ODAD2: variants seen among roughly 807,000 people sequenced by gnomAD.
The protein encoded by ODAD2 is outer dynein arm docking complex subunit 2, also known as outer dynein arm-docking complex subunit 2.
A neutral mutation model predicts 106.8 loss-of-function variants in ODAD2; 89 were observed. The ratio of observed to expected loss-of-function variants is 0.83; its 90% CI spans 0.70 to 0.99. The LOEUF is 0.99. Ranked by LOEUF, ODAD2 falls within the 50% of genes least tolerant of loss-of-function variation. The pLI, the probability that ODAD2 is intolerant of heterozygous loss-of-function variation, is 0.00. For synonymous variants in ODAD2, 404 were observed against 436.2 expected (o/e 0.93, Z 0.92); for missense variants, 1,168 against 1,238.5 (o/e 0.94, Z 0.85).
At chr10:27,915,538 G>T (rs891188472) in intron 16 of ODAD2, among the ~76,000 whole-genome samples, 17 of 152,236 alleles carry the variant, frequency 1.1e-4, no homozygotes, top group East Asian at 7.7e-4. Context: ...TCACAATGGG[G>T]ATTAAGTTTC....
At chr10:27,891,245 C>T (rs1842541483) in intron 17 of ODAD2, among the ~76,000 whole-genome samples, 2 of 152,184 alleles carry the variant, frequency 1.3e-5, no homozygotes, top group South Asian at 4.1e-4. Flanking sequence ...GGCTAAATTA[C>T]CCAAGCATGT....
intron 17 of ODAD2, among the ~76,000 whole-genome samples, chr10:27,877,914 A>G (rs74761103): frequency 0.027 from 4,148 of 152,344 alleles, 68 homozygotes; most frequent in Non-Finnish European, 0.043. Context: ...TTTTTGTTCT[A>G]TAGACACAAA....
intron 19 of ODAD2, among the ~76,000 whole-genome samples, chr10:27,831,383 A>G (rs1377576513): frequency 6.6e-6 from 1 of 152,216 alleles, no homozygotes; most frequent in African/African-American, 2.4e-5. Flanking sequence ...AGAACCTTCA[A>G]GAAGGAAAAG....
chr10:27,843,282 G>T (rs1038955665), intron 19 of ODAD2, among the ~76,000 whole-genome samples: 3 of 152,118 alleles, frequency 2.0e-5, no homozygotes, highest in African/African-American at 7.2e-5. Flanking sequence ...AATCTTGAAG[G>T]TTTAGAAAAG....
chr10:27,972,088 T>A (rs1848900817), intron 7 of ODAD2, among the ~76,000 whole-genome samples: 1 of 152,134 alleles, frequency 6.6e-6, no homozygotes, highest in East Asian at 1.9e-4. Flanking sequence ...AGTAACAACG[T>A]TTTGAGGGGT....
intron 6 of ODAD2, 29 bp from the exon 7 acceptor site, chr10:27,981,611 G>A (rs1849550490): frequency 7.1e-7 from 1 of 1,407,668 alleles, no homozygotes; most frequent in Non-Finnish European, 9.6e-7. Flanking sequence ...TTCATTCTAT[G>A]ATTAACATAA....
intron 19 of ODAD2, among the ~76,000 whole-genome samples, chr10:27,845,592 G>A (rs1017542226): frequency 6.6e-6 from 1 of 152,138 alleles, no homozygotes; most frequent in Non-Finnish European, 1.5e-5. Context: ...AAATGTAAAT[G>A]GGCTAAATGC....
In ODAD2 at chr10:27,824,374, G is replaced by C. The variant is rs148270170; in HGVS notation, c.3022-11749C>G. 4.1e-3 allele frequency among the ~76,000 whole-genome samples: 623 copies of C among 152,164 alleles called. 3 individuals carry two copies. The highest frequency in any genetic ancestry group is 0.014 in the African/African-American group (592 of 41,510). On this transcript the variant is annotated intron_variant, in intron 19 of 19. Coordinates refer to ENST00000305242, the MANE Select transcript of ODAD2 (RefSeq NM_018076.5). ...CTGCCCTTATGAACGGATTAATGCT[G>C]TTACAGGGGGGTTGGGCTCCTAATA...
At chr10:27,878,995 G>T (rs1841532998) in intron 17 of ODAD2, among the ~76,000 whole-genome samples, 1 of 152,134 alleles carries the variant, frequency 6.6e-6, no homozygotes, top group Non-Finnish European at 1.5e-5. Flanking sequence ...TAAAAGAAAT[G>T]ATACAATCGT....
intron 7 of ODAD2, 94 bp downstream of exon 7, chr10:27,981,372 A>T: frequency 7.8e-7 from 1 of 1,289,180 alleles, no homozygotes; most frequent in Non-Finnish European, 1.0e-6. Context: ...AAAGTGCCCA[A>T]AAATAGGCAA....
chr10:27,829,246 G>A (rs540832204), intron 19 of ODAD2, among the ~76,000 whole-genome samples: 4 of 152,160 alleles, frequency 2.6e-5, no homozygotes, highest in East Asian at 1.9e-4. Context: ...TTTCTTCTTC[G>A]ATGTCAAATA....
chr10:27,995,024 C>G lies in ODAD2; in HGVS notation c.119G>C (p.Ser40Thr). 6.2e-7 allele frequency: 1 copy of G among 1,614,148 alleles called. No individual in the cohort carries two copies. The highest frequency in any genetic ancestry group is 8.5e-7 in the Non-Finnish European group (1 of 1,180,016). The change falls in exon 2 of 20, where the codon AGT (serine) becomes ACT (threonine). Residue 40 changes from serine to threonine, a missense_variant. Coordinates refer to ENST00000305242, the MANE Select transcript of ODAD2 (RefSeq NM_018076.5). ...CTCTTGAGGATGTTTATAGATAAAA[C>G]TCTCCACAAACACAATAATTTCTTT... ...ILKEIIVFVE[S>T]FIYKHPQEAK...
chr10:27,844,685 ACT>A (rs1483977206), intron 19 of ODAD2, among the ~76,000 whole-genome samples: 10 of 152,188 alleles, frequency 6.6e-5, no homozygotes, highest in South Asian at 2.1e-4. Flanking sequence ...TGAATAAAAG[ACT>A]CTGTGTAAAT....
At chr10:27,980,705 G>A (rs566875588) in intron 7 of ODAD2, among the ~76,000 whole-genome samples, 1 of 152,242 alleles carries the variant, frequency 6.6e-6, no homozygotes, top group East Asian at 1.9e-4. Context: ...GAAGAAAGTG[G>A]AATCTTTGGA....
intron 3 of ODAD2, 88 bp from the exon 4 acceptor site, chr10:27,985,299 G>T: frequency 9.3e-7 from 1 of 1,079,998 alleles, no homozygotes. Context: ...ATCCTTCAAA[G>T]TCCATTCAGA....
At chr10:27,855,202 TA>T (rs199728791) in intron 19 of ODAD2, among the ~76,000 whole-genome samples, 13 of 151,386 alleles carry the variant, frequency 8.6e-5, no homozygotes, top group African/African-American at 1.7e-4. Flanking sequence ...CTCTTAAAAT[TA>T]AAAAAAAATT....
At chr10:27,937,551 T>C (rs1451819355) in intron 14 of ODAD2, among the ~76,000 whole-genome samples, 2 of 152,166 alleles carry the variant, frequency 1.3e-5, no homozygotes, top group African/African-American at 4.8e-5. Flanking sequence ...TGTGTCATCC[T>C]TTGAAATAAA....
At chr10:27,992,280 G>A (rs1850280783) in intron 2 of ODAD2, among the ~76,000 whole-genome samples, 1 of 152,162 alleles carries the variant, frequency 6.6e-6, no homozygotes, top group Non-Finnish European at 1.5e-5. Flanking sequence ...AGAATGGATT[G>A]AGAAATTAGC....
intron 17 of ODAD2, among the ~76,000 whole-genome samples, chr10:27,900,413 A>G (rs950731434): frequency 2.6e-5 from 4 of 152,202 alleles, no homozygotes; most frequent in Non-Finnish European, 4.4e-5. Flanking sequence ...CTCTTCTCCA[A>G]AGGATCATAA....
Sources: allele counts gnomAD v4.1 joint callset (sites outside exome capture counted in the v4.1 genomes callset), GRCh38; gene constraint gnomAD v4.1.1; transcripts MANE v1.5; gene names NCBI Gene and HGNC (gene_info 2026-07-23, HGNC 2026-07-21).